NOTCH3: variants seen among roughly 807,000 people sequenced by gnomAD.
NOTCH3 encodes neurogenic locus notch homolog protein 3.
Under a neutral mutation model 213.3 loss-of-function variants are expected in NOTCH3, and 86 were observed. The observed-to-expected ratio is 0.40, with a 90% CI of 0.34 to 0.48. The LOEUF (loss-of-function observed/expected upper bound fraction) is 0.48. NOTCH3 is among the 20% of genes least tolerant of loss of function. NOTCH3 has a pLI of 0.57. For synonymous variants in NOTCH3, 1,354 were observed against 1,355.9 expected (o/e 1.00, Z 0.03); for missense variants, 2,783 against 3,272.6 (o/e 0.85, Z 3.65).
chr19:15,198,143 G>C (rs867979042), intron 1 of NOTCH3, among the ~76,000 whole-genome samples: 2 of 152,208 alleles, frequency 1.3e-5, no homozygotes, highest in African/African-American at 4.8e-5. Context: ...CTGGAATAGG[G>C]TGTGTGTTGA....
Position 15,173,421 on chromosome 19 carries a change from C to CAAAA in NOTCH3, c.4736+643_4736+646dup, listed in dbSNP as rs71168587. Among the ~76,000 whole-genome samples, 15 of 68,752 alleles carry CAAAA rather than the reference C, an allele frequency of 2.2e-4. 1 individual carries two copies. Among genetic ancestry groups the CAAAA allele is most frequent in the South Asian group, 8.4e-4 (1 of 1,192 alleles). The allele number at this position is 68,752 out of a possible 152,430, so 45.1% of individuals were successfully genotyped here. ...TGGGCGACAGAGCGAGACTCCGTCT[C>CAAAA]AAAAAAAAAAAAAAAAAAAAAGAGA... On this transcript the variant is annotated intron_variant, in intron 25 of 32. Coordinates refer to ENST00000263388, the MANE Select transcript of NOTCH3 (RefSeq NM_000435.3).
chr19:15,188,119 T>C (rs1255808511), intron 9 of NOTCH3, 116 bp downstream of exon 9: 5 of 1,058,974 alleles, frequency 4.7e-6, no homozygotes, highest in Non-Finnish European at 7.2e-6. Flanking sequence ...CAATGTTTCA[T>C]AACATATGGT....
At chr19:15,181,529 C>A in intron 17 of NOTCH3, 47 bp downstream of exon 17, 1 of 1,491,910 alleles carries the variant, frequency 6.7e-7, no homozygotes, top group Non-Finnish European at 9.1e-7. Context: ...GTCCCAGGCC[C>A]CATCCCAAGC....
intron 28 of NOTCH3, among the ~76,000 whole-genome samples, chr19:15,168,807 T>G (rs1324849505): frequency 6.6e-6 from 1 of 152,016 alleles, no homozygotes; most frequent in East Asian, 1.9e-4. Context: ...GCACTCCAGC[T>G]TGGGCAACAG....
At position 15,187,255 on chromosome 19, in the gene NOTCH3, C is replaced by A. The variant is rs374767079; in HGVS notation, c.1690G>T (p.Ala564Ser). ...CHHGRCVDGI[A>S]SFSCACAPGY... Reference sequence around the variant, plus strand: ...GGAGCACAGGCACATGAGAAGCTGGCGATGCCATCCACGCAGCGACCATGG... The same window carrying A: ...GGAGCACAGGCACATGAGAAGCTGGAGATGCCATCCACGCAGCGACCATGG... The change falls in exon 11 of 33, where the codon GCC (alanine) becomes TCC (serine). Residue 564 changes from alanine to serine, a missense_variant. Physicochemically the swap from Ala to Ser is moderately conservative, Grantham distance 99. This residue lies in a region of NOTCH3 where 708 missense variants were observed against 906.6 expected (regional missense o/e 0.78). Coordinates refer to ENST00000263388, the MANE Select transcript of NOTCH3 (RefSeq NM_000435.3). The A allele has an allele frequency of 1.2e-6, 2 of 1,614,098 alleles. No individual in the cohort carries two copies. The highest frequency in any genetic ancestry group is 1.7e-5 in the Admixed American group (1 of 60,026).
At chr19:15,187,490 A>G in intron 10 of NOTCH3, 152 bp from the exon 11 acceptor site, 4 of 301,102 alleles carry the variant, frequency 1.3e-5, no homozygotes, top group Non-Finnish European at 2.2e-5. Flanking sequence ...CCCACCCCCC[A>G]CTTACTTCCA....
intron 2 of NOTCH3, among the ~76,000 whole-genome samples, chr19:15,192,795 G>GT (rs1277934521): frequency 1.3e-5 from 2 of 152,090 alleles, no homozygotes; most frequent in Non-Finnish European, 2.9e-5. Context: ...CGTGCCTGTA[G>GT]TCCCAGCTAC....
Position 15,162,106 on chromosome 19 carries a change from C to T in NOTCH3, c.5913+359G>A, listed in dbSNP as rs192814072. 1.7e-4 allele frequency among the ~76,000 whole-genome samples: 25 copies of T among 151,350 alleles called. No homozygotes were observed. The East Asian group carries it at 4.5e-3, about 27-fold the overall frequency. ...AAGCGATTCTCCTGCCTCAGCCTCC[C>T]GAGCAGCTGGGACTACAGGTGTGCA... is the stretch of plus-strand genomic sequence containing the variant. On this transcript the variant is annotated intron_variant, in intron 32 of 32. Transcript: ENST00000263388.
In NOTCH3 at chr19:15,160,854, G is replaced by A. The variant is rs775043966; in HGVS notation, c.6774C>T (p.Pro2258=). ...ACCAGTCTGAGAGGGAGGGAGGTGA[G>A]GGGCTGGCCCAGTGCTCAGGGGATT... ...SPESPEHWAS[P]SPPSLSDWSE... is the part of the protein sequence containing the mutation. The change falls in exon 33 of 33, where the codon CCC becomes CCT. Residue 2258 remains proline, a synonymous_variant. Transcript: ENST00000263388. 76 of 1,613,942 alleles carry A rather than the reference G, an allele frequency of 4.7e-5. No individual in the cohort carries two copies. Among genetic ancestry groups the A allele is most frequent in the Non-Finnish European group, 6.4e-5 (75 of 1,179,874 alleles).
intron 25 of NOTCH3, among the ~76,000 whole-genome samples, chr19:15,173,784 GAGAAGA>G (rs1245899990): frequency 2.0e-5 from 3 of 146,548 alleles, no homozygotes; most frequent in South Asian, 4.3e-4. Flanking sequence ...GAAGGAGAAG[GAGAAGA>G]AGAAGAAGAA....
intron 25 of NOTCH3, among the ~76,000 whole-genome samples, 173 bp from the exon 26 acceptor site, chr19:15,170,998 C>A (rs1327364069): frequency 6.6e-6 from 1 of 152,176 alleles, no homozygotes. Context: ...ACCCCTAAAA[C>A]GTGTCTTGCT....
Position 15,192,111 on chromosome 19 carries a change from G to A in NOTCH3, c.528C>T (p.Asn176=). 3.1e-6 allele frequency: 5 copies of A among 1,613,134 alleles called. No homozygotes were observed. The highest frequency in any genetic ancestry group is 4.2e-6 in the Non-Finnish European group (5 of 1,180,026). ...ACTGGCAGCGGAAGGAGCCAGGTGT[G>A]TTGAGGCAGGTGCCACCATGGCGGC... The part of the protein sequence containing the change: ...EPCRHGGTCL[N]TPGSFRCQCP... The change falls in exon 4 of 33, where the codon AAC becomes AAT. Residue 176 remains asparagine (N), a synonymous_variant. Coordinates refer to ENST00000263388, the MANE Select transcript of NOTCH3 (RefSeq NM_000435.3).
At chr19:15,191,698 G>A (rs1459426803) in intron 5 of NOTCH3, 41 bp from the exon 6 acceptor site, 2 of 1,613,442 alleles carry the variant, frequency 1.2e-6, no homozygotes, top group East Asian at 2.2e-5. Context: ...CCTGGCGCAT[G>A]TCCACCCGAG....
chr19:15,188,875 T>G lies in NOTCH3; in HGVS notation c.1378+114A>C. 7 of 1,050,724 alleles carry G rather than the reference T, an allele frequency of 6.7e-6. No individual in the cohort carries two copies. The South Asian group carries it at 1.1e-4, about 16-fold the overall frequency. 65.1% of individuals were successfully genotyped at this position (1,050,724 alleles called of 1,614,324 possible). ...CCACCTCCTTCCAGGCTTCAGTCTC[T>G]AAGGGTCCCACTCCAAACCCACTTA... is the stretch of plus-strand genomic sequence containing the variant. On this transcript the variant is annotated intron_variant, in intron 8 of 32. Coordinates refer to ENST00000263388, the MANE Select transcript of NOTCH3 (RefSeq NM_000435.3).
intron 24 of NOTCH3, among the ~76,000 whole-genome samples, chr19:15,176,726 G>C (rs2046792613): frequency 7.5e-6 from 1 of 133,892 alleles, no homozygotes; most frequent in Non-Finnish European, 1.5e-5. Flanking sequence ...TCACACCACT[G>C]CACTCCAGCC....
At chr19:15,170,052 G>C (rs1352342403) in intron 28 of NOTCH3, 34 bp downstream of exon 28, 4 of 1,299,490 alleles carry the variant, frequency 3.1e-6, no homozygotes, top group Non-Finnish European at 4.4e-6. Context: ...GGAGGGGTCA[G>C]AGGAGGGGGC....
In NOTCH3 at chr19:15,185,317, C is replaced by T. The variant is rs1481559244; in HGVS notation, c.2236G>A (p.Gly746Ser). The T allele has an allele frequency of 5.6e-6, 9 of 1,613,010 alleles. No homozygotes were observed. The highest frequency in any genetic ancestry group is 2.2e-5 in the East Asian group (1 of 44,868). ...ATTCCATCGCTGCTGCATGTCCCACCGGCCCTGCACGGCTGGGACTCACAG... is the reference window on the plus strand; with the variant it reads ...ATTCCATCGCTGCTGCATGTCCCACTGGCCCTGCACGGCTGGGACTCACAG... ...DACESQPCRAGGTCSSDGMGF... is the reference protein window; with the variant it reads ...DACESQPCRASGTCSSDGMGF... The change falls in exon 14 of 33, where the codon GGT becomes AGT. Residue 746 changes from glycine (G) to serine (S), a missense_variant. By Grantham distance (56) the Gly-to-Ser change is moderately conservative (BLOSUM62 0). Around this residue, in one of 6 missense-constraint regions of NOTCH3, gnomAD observed 861 missense variants for 909.1 expected, o/e 0.95. Coordinates refer to ENST00000263388, the MANE Select transcript of NOTCH3 (RefSeq NM_000435.3). This position sits in a 1 kb window ranked among gnomAD's most constrained non-coding sequence, Gnocchi z 4.2.
Position 15,184,200 on chromosome 19 carries a change from T to C in NOTCH3, c.2566+95A>G, listed in dbSNP as rs8113116. 0.022 allele frequency: 27,586 copies of C among 1,256,942 alleles called. 2,310 individuals carry two copies. In the African/African-American group the frequency reaches 0.25, roughly 11 times the overall value. The allele number at this position is 1,256,942 out of a possible 1,614,324, so 77.9% of individuals were successfully genotyped here. A position where few individuals can be genotyped will look rare whatever the true frequency, so the allele number is the denominator to read the frequency against. ...TAAAACGGGAAAAGTAAGATAACTG[T>C]GAAGATGAAATGACAGCACAGTGCC... On this transcript the variant is annotated intron_variant, in intron 16 of 32. Transcript: ENST00000263388.
intron 24 of NOTCH3, among the ~76,000 whole-genome samples, chr19:15,176,762 TAAAAAAAAAAAAAA>T (rs61399527): frequency 1.8e-5 from 1 of 55,628 alleles, no homozygotes; most frequent in Non-Finnish European, 3.1e-5. Flanking sequence ...GACCCTGTCT[TAAAAAAAAAAAAAA>T]AAAAAAAAAA....
Sources: allele counts gnomAD v4.1 joint callset (sites outside exome capture counted in the v4.1 genomes callset), GRCh38; gene constraint gnomAD v4.1.1; regional missense constraint gnomAD v4.1.1; non-coding constraint Gnocchi (gnomAD v3.1); transcripts MANE v1.5; gene names NCBI Gene and HGNC (gene_info 2026-07-23, HGNC 2026-07-21).